ASCC3: variants seen among roughly 807,000 people sequenced by gnomAD.
The protein encoded by ASCC3 is activating signal cointegrator 1 complex subunit 3.
Under a neutral mutation model 256.3 loss-of-function variants are expected in ASCC3, and 158 were observed. The observed-to-expected ratio is 0.62, with a 90% CI of 0.54 to 0.70. ASCC3 has a LOEUF of 0.70. Among genes scored for constraint, ASCC3 ranks in the 30% least tolerant of loss-of-function variants. The pLI is 0.00. For synonymous variants in ASCC3, 948 were observed against 883.4 expected (o/e 1.07, Z -1.30); for missense variants, 2,259 against 2,626.0 (o/e 0.86, Z 3.05).
chr6:100,579,031 T>G (rs1262929202), intron 36 of ASCC3, among the ~76,000 whole-genome samples: 1 of 152,128 alleles, frequency 6.6e-6, no homozygotes, highest in African/African-American at 2.4e-5. Flanking sequence ...CTGACTGGTG[T>G]GAGATGGTAT....
At chr6:100,771,638 T>C (rs995576750) in intron 8 of ASCC3, among the ~76,000 whole-genome samples, 14 of 152,052 alleles carry the variant, frequency 9.2e-5, no homozygotes, top group Non-Finnish European at 1.8e-4. Flanking sequence ...TATATAGATG[T>C]CAAATAAGCA....
intron 39 of ASCC3, among the ~76,000 whole-genome samples, chr6:100,515,761 G>A (rs1187440114): frequency 6.6e-6 from 1 of 152,080 alleles, no homozygotes; most frequent in Non-Finnish European, 1.5e-5. Flanking sequence ...CAAGCATACA[G>A]AAGGAAACAC....
intron 37 of ASCC3, among the ~76,000 whole-genome samples, chr6:100,519,365 A>T (rs986415966): frequency 6.6e-6 from 1 of 152,242 alleles, no homozygotes; most frequent in Non-Finnish European, 1.5e-5. Context: ...TATAATAGGT[A>T]TATTTATATA....
intron 13 of ASCC3, among the ~76,000 whole-genome samples, chr6:100,700,580 G>A (rs1345322352): frequency 6.6e-6 from 1 of 152,198 alleles, no homozygotes; most frequent in African/African-American, 2.4e-5. Context: ...GAAAGCAGCT[G>A]GGAAGGAGGC....
chr6:100,516,402 A>G, intron 38 of ASCC3, 75 bp from the exon 39 acceptor site: 2 of 1,547,696 alleles, frequency 1.3e-6, no homozygotes, highest in South Asian at 1.1e-5. Flanking sequence ...GGTGGTTTAT[A>G]TAATTATAGC....
At chr6:100,684,799 A>G (rs1006553379) in intron 13 of ASCC3, among the ~76,000 whole-genome samples, 3 of 143,838 alleles carry the variant, frequency 2.1e-5, no homozygotes, top group Non-Finnish European at 3.0e-5. Context: ...CTTGAATCAA[A>G]CTCTTTTTTT....
At chr6:100,577,953 T>A (rs922439101) in intron 36 of ASCC3, among the ~76,000 whole-genome samples, 1 of 152,068 alleles carries the variant, frequency 6.6e-6, no homozygotes, top group Admixed American at 6.6e-5. Flanking sequence ...AGATAAGCTA[T>A]CCAAGACAGG....
chr6:100,546,043 A>G (rs902839837), intron 36 of ASCC3, among the ~76,000 whole-genome samples: 1 of 152,226 alleles, frequency 6.6e-6, no homozygotes, highest in African/African-American at 2.4e-5. Flanking sequence ...TATTTAAAAA[A>G]TAAGTTTGGC....
chr6:100,832,031 A>G (rs933137618), intron 4 of ASCC3, among the ~76,000 whole-genome samples: 19 of 152,164 alleles, frequency 1.2e-4, no homozygotes, highest in African/African-American at 4.6e-4. Context: ...TAGATTTTAA[A>G]AAAATTTTAA....
At chr6:100,515,832 T>C (rs1217813641) in intron 39 of ASCC3, among the ~76,000 whole-genome samples, 1 of 152,170 alleles carries the variant, frequency 6.6e-6, no homozygotes, top group Non-Finnish European at 1.5e-5. Flanking sequence ...ACAAGCTACA[T>C]GAGGCTTTTC....
At chr6:100,599,226 T>C (rs1400669279) in intron 34 of ASCC3, among the ~76,000 whole-genome samples, 1 of 152,212 alleles carries the variant, frequency 6.6e-6, no homozygotes, top group Non-Finnish European at 1.5e-5. Context: ...AAGAACCTTT[T>C]AATATTATGT....
chr6:100,662,826 T>G (rs371259626), intron 14 of ASCC3, among the ~76,000 whole-genome samples: 42 of 152,194 alleles, frequency 2.8e-4, no homozygotes, highest in Middle Eastern at 3.4e-3. Flanking sequence ...TATTACCTGT[T>G]TCTTAGCCTT....
chr6:100,844,094 C>T (rs755268137), intron 4 of ASCC3, among the ~76,000 whole-genome samples: 1 of 149,824 alleles, frequency 6.7e-6, no homozygotes, highest in Non-Finnish European at 1.5e-5. Flanking sequence ...TTTGGCCTGG[C>T]TTTATAAGAA....
At chr6:100,646,523 A>C in intron 22 of ASCC3, 92 bp downstream of exon 22, 1 of 1,329,292 alleles carries the variant, frequency 7.5e-7, no homozygotes, top group Non-Finnish European at 1.1e-6. Context: ...TTCTTTTTAG[A>C]GGATTTTCTA....
intron 36 of ASCC3, among the ~76,000 whole-genome samples, chr6:100,559,260 G>A (rs1769796380): frequency 6.6e-6 from 1 of 152,076 alleles, no homozygotes; most frequent in Non-Finnish European, 1.5e-5. Context: ...AGTCAAACAA[G>A]ATTTTTTACA....
At chr6:100,612,050 T>A (rs1398430567) in intron 30 of ASCC3, among the ~76,000 whole-genome samples, 5 of 151,948 alleles carry the variant, frequency 3.3e-5, no homozygotes. Flanking sequence ...GAAAAACAGA[T>A]CTATGTTATT....
chr6:100,762,695 C>G (rs1699922406), intron 10 of ASCC3, among the ~76,000 whole-genome samples: 1 of 152,102 alleles, frequency 6.6e-6, no homozygotes, highest in Admixed American at 6.6e-5. Flanking sequence ...ATCATAACTG[C>G]TGCTATACCT....
At chr6:100,718,617 T>C (rs1168694084) in intron 11 of ASCC3, among the ~76,000 whole-genome samples, 1 of 151,846 alleles carries the variant, frequency 6.6e-6, no homozygotes, top group African/African-American at 2.4e-5. Context: ...AAATATTAAC[T>C]GGTGTGGTGG....
At chr6:100,623,466 C>T (rs1255827198) in intron 30 of ASCC3, among the ~76,000 whole-genome samples, 1 of 152,062 alleles carries the variant, frequency 6.6e-6, no homozygotes, top group Admixed American at 6.6e-5. Context: ...ACATACAGTA[C>T]TATCTAACAG....
Sources: allele counts gnomAD v4.1 joint callset (sites outside exome capture counted in the v4.1 genomes callset), GRCh38; gene constraint gnomAD v4.1.1; transcripts MANE v1.5; gene names NCBI Gene and HGNC (gene_info 2026-07-23, HGNC 2026-07-21).